The following NALCN variants were observed in gnomAD, a reference collection of about 807,000 sequenced individuals.
The protein encoded by NALCN is sodium leak channel NALCN.
A neutral mutation model predicts 225.3 loss-of-function variants in NALCN; 111 were observed. That is an observed-to-expected ratio of 0.49 (90% confidence interval 0.42 to 0.58). NALCN has a LOEUF of 0.58. NALCN is among the 20% of genes least tolerant of loss of function. The pLI is 0.00. For missense variants in NALCN, 1,378 were observed against 2,202.4 expected (o/e 0.63, Z 7.49); for synonymous variants, 764 against 769.0 (o/e 0.99, Z 0.11).
intron 3 of NALCN, among the ~76,000 whole-genome samples, chr13:101,387,078 G>A (rs1339048799): frequency 2.0e-5 from 3 of 150,460 alleles, no homozygotes; most frequent in South Asian, 2.1e-4. Context: ...AAAATTAGCC[G>A]GGCGCGGTGG....
At chr13:101,271,825 G>A (rs1012629980) in intron 10 of NALCN, among the ~76,000 whole-genome samples, 1 of 151,572 alleles carries the variant, frequency 6.6e-6, no homozygotes, top group Non-Finnish European at 1.5e-5. Flanking sequence ...GTGTGTCACC[G>A]TTTGTGAGTG....
In NALCN at chr13:101,258,591, G is replaced by C. The variant is rs571547109; in HGVS notation, c.1135-17C>G. The C allele has an allele frequency of 6.2e-7, 1 of 1,614,012 alleles. No individual in the cohort carries two copies. The highest frequency in any genetic ancestry group is 1.3e-5 in the African/African-American group (1 of 75,050). On this transcript the variant is annotated splice_polypyrimidine_tract_variant and intron_variant, in intron 10 of 43. Coordinates refer to ENST00000251127, the MANE Select transcript of NALCN (RefSeq NM_052867.4). ...CATCATTTTCTGAGGGGGCGAAACA[G>C]ACAGACTCTTAACAAAGAAATAAAC...
intron 7 of NALCN, among the ~76,000 whole-genome samples, chr13:101,310,209 C>A (rs748950138): frequency 6.6e-6 from 1 of 152,182 alleles, no homozygotes; most frequent in Non-Finnish European, 1.5e-5. Flanking sequence ...TTTGTCTCGC[C>A]TCTACTCAAA....
chr13:101,074,425 T>G (rs1235935366), intron 36 of NALCN, 89 bp downstream of exon 36: 25 of 1,284,162 alleles, frequency 1.9e-5, no homozygotes, highest in Non-Finnish European at 2.1e-5. Flanking sequence ...TCTCCTAGAC[T>G]TTAATAGACA....
intron 6 of NALCN, among the ~76,000 whole-genome samples, chr13:101,366,694 T>C (rs1024676367): frequency 6.6e-6 from 1 of 152,220 alleles, no homozygotes; most frequent in Non-Finnish European, 1.5e-5. Context: ...CACCATGTGA[T>C]GTTTTGATGT....
At chr13:101,346,083 C>CTA (rs1241006587) in intron 6 of NALCN, among the ~76,000 whole-genome samples, 558 of 84,168 alleles carry the variant, frequency 6.6e-3, no homozygotes, top group African/African-American at 8.7e-3. Context: ...CTCTCTCTCT[C>CTA]TCTCTATATA....
chr13:101,205,817 A>T (rs1156833597), intron 13 of NALCN, among the ~76,000 whole-genome samples: 1 of 152,122 alleles, frequency 6.6e-6, no homozygotes, highest in African/African-American at 2.4e-5. Context: ...CAGTGCAATG[A>T]TAATTACTAA....
intron 18 of NALCN, chr13:101,116,414 T>A (rs2035712916): frequency 2.6e-6 from 1 of 390,932 alleles, no homozygotes; most frequent in South Asian, 2.3e-5. Context: ...ATCTAAAATA[T>A]TTTAAAATTG....
intron 17 of NALCN, among the ~76,000 whole-genome samples, chr13:101,140,303 C>T (rs16958461): frequency 0.045 from 6,802 of 152,210 alleles, 291 homozygotes; most frequent in African/African-American, 0.11. Flanking sequence ...CTCCTCAGCC[C>T]GGCACATGCC....
At chr13:101,320,418 G>C (rs1032462341) in intron 7 of NALCN, among the ~76,000 whole-genome samples, 1 of 152,104 alleles carries the variant, frequency 6.6e-6, no homozygotes, top group Non-Finnish European at 1.5e-5. Context: ...AAAAATTCTG[G>C]GACATTTTCC....
rs953633405 is a variant in NALCN, at chr13:101,113,913, G to A, written c.2193-2687C>T. On this transcript the variant is annotated intron_variant, in intron 18 of 43. Transcript: ENST00000251127. ...TTTATCACTCAGCCTCCCATTCCTA[G>A]GAAGTTCAGTTTCTGGCCCTCATGC... Among the ~76,000 whole-genome samples the A allele has an allele frequency of 5.9e-5, 9 of 152,130 alleles. 1 individual carries two copies. Among genetic ancestry groups the A allele is most frequent in the African/African-American group, 2.2e-4 (9 of 41,436 alleles).
At position 101,292,049 on chromosome 13, in the gene NALCN, C is replaced by T. The variant is rs202217266; in HGVS notation, c.988G>A (p.Val330Ile). 1 of 1,614,056 alleles carries T rather than the reference C, an allele frequency of 6.2e-7. No homozygotes were observed. Among genetic ancestry groups the T allele is most frequent in the Non-Finnish European group, 8.5e-7 (1 of 1,180,016 alleles). ...VIIETFAEIR[V>I]QFQQMWGSRS... ...GATCCCCACATTTGTTGAAACTGTA[C>T]TCTGATTTCTGCAAATGTTTCAATG... The change falls in exon 9 of 44, where the codon GTA (valine) becomes ATA (isoleucine). Residue 330 changes from valine to isoleucine, a missense_variant. Around this residue, in one of 19 missense-constraint regions of NALCN, gnomAD observed 12 missense variants for 74.3 expected, o/e 0.16. Coordinates refer to ENST00000251127, the MANE Select transcript of NALCN (RefSeq NM_052867.4). This position sits in a 1 kb window ranked among gnomAD's most constrained non-coding sequence, Gnocchi z 4.3.
chr13:101,188,099 C>T (rs1042919875), intron 14 of NALCN, among the ~76,000 whole-genome samples: 6 of 152,016 alleles, frequency 3.9e-5, no homozygotes, highest in South Asian at 2.1e-4. Context: ...AAATGTATTG[C>T]AGCATTATAA....
chr13:101,294,390 G>C (rs1465940005), intron 7 of NALCN, among the ~76,000 whole-genome samples: 1 of 151,988 alleles, frequency 6.6e-6, no homozygotes, highest in Non-Finnish European at 1.5e-5. Context: ...TAAATATCTT[G>C]ATTTGATAAT....
intron 11 of NALCN, among the ~76,000 whole-genome samples, chr13:101,251,675 T>C (rs926272830): frequency 6.6e-6 from 1 of 152,186 alleles, no homozygotes; most frequent in African/African-American, 2.4e-5. Flanking sequence ...TCCTGCAAAA[T>C]AATCATATTA....
chr13:101,170,751 T>C (rs1233040052), intron 15 of NALCN, among the ~76,000 whole-genome samples: 3 of 152,172 alleles, frequency 2.0e-5, no homozygotes, highest in Non-Finnish European at 4.4e-5. Flanking sequence ...TGAGACTGGA[T>C]ACAGGGCTGG....
At chr13:101,066,778 G>A (rs949813015) in intron 39 of NALCN, among the ~76,000 whole-genome samples, 8 of 152,010 alleles carry the variant, frequency 5.3e-5, no homozygotes, top group South Asian at 4.2e-4. Context: ...GTGCACTGCC[G>A]GAGCCCCTCA....
intron 1 of NALCN, among the ~76,000 whole-genome samples, chr13:101,411,206 T>C (rs184592723): frequency 6.1e-4 from 91 of 150,160 alleles, no homozygotes; most frequent in African/African-American, 2.0e-3. Flanking sequence ...TTATCCTCTT[T>C]CTTTTTTTTC....
At chr13:101,167,193 G>A (rs1196211965) in intron 15 of NALCN, among the ~76,000 whole-genome samples, 1 of 152,006 alleles carries the variant, frequency 6.6e-6, no homozygotes, top group Non-Finnish European at 1.5e-5. Context: ...TTGGCTATTT[G>A]GTATCCCTTA....
Sources: allele counts gnomAD v4.1 joint callset (sites outside exome capture counted in the v4.1 genomes callset), GRCh38; gene constraint gnomAD v4.1.1; regional missense constraint gnomAD v4.1.1; non-coding constraint Gnocchi (gnomAD v3.1); transcripts MANE v1.5; gene names NCBI Gene and HGNC (gene_info 2026-07-23, HGNC 2026-07-21).